Variants in ANKDD1B observed in about 807,000 individuals in gnomAD.
ANKDD1B encodes the protein ankyrin repeat and death domain-containing protein 1B.
A neutral mutation model predicts 59.7 loss-of-function variants in ANKDD1B; 57 were observed. The ratio of observed to expected loss-of-function variants is 0.95; its 90% confidence interval spans 0.77 to 1.19. ANKDD1B has a LOEUF of 1.19. Among genes scored for constraint, ANKDD1B ranks in the 50% most tolerant of loss-of-function variants. The probability of loss-of-function intolerance (pLI) is 0.00; values close to 1 mark genes in which losing one functional copy is unlikely to be tolerated. For synonymous variants in ANKDD1B, 216 were observed against 239.5 expected (o/e 0.90, Z 0.91); for missense variants, 602 against 641.9 (o/e 0.94, Z 0.67).
At chr5:75,653,546 T>G (rs1165747527) in intron 8 of ANKDD1B, among the ~76,000 whole-genome samples, 3 of 152,222 alleles carry the variant, frequency 2.0e-5, no homozygotes, top group Admixed American at 2.0e-4. Context: ...TGTATTAATT[T>G]TATTAGTCTG....
At chr5:75,635,410 G>C (rs1195717580) in intron 6 of ANKDD1B, 6 of 195,428 alleles carry the variant, frequency 3.1e-5, no homozygotes, top group Admixed American at 5.7e-5. Context: ...TGGGTCAAAG[G>C]CTTCTGCACA....
At position 75,616,908 on chromosome 5, in the gene ANKDD1B, G is replaced by T; in HGVS notation, c.297+1G>T. 7.0e-7 allele frequency: 1 copy of T among 1,418,790 alleles called. No individual in the cohort carries two copies. The highest frequency in any genetic ancestry group is 1.3e-5 in the South Asian group (1 of 79,734). 87.9% of individuals were successfully genotyped at this position (1,418,790 alleles called of 1,614,324 possible). On this transcript the variant is annotated splice_donor_variant, in intron 2 of 13. Transcript: ENST00000601380. LOFTEE classifies it high-confidence loss of function. Reference sequence around the variant, plus strand: ...GGTTAACATTAATGTTGTGAACAATGTGAGTAGAAGTCATAAATATGACAA... The same window carrying T: ...GGTTAACATTAATGTTGTGAACAATTTGAGTAGAAGTCATAAATATGACAA...
intron 2 of ANKDD1B, among the ~76,000 whole-genome samples, chr5:75,617,348 G>A (rs750833764): frequency 5.9e-5 from 9 of 152,180 alleles, no homozygotes; most frequent in Non-Finnish European, 8.8e-5. Context: ...CTAAAGAGGC[G>A]TGTGGATTTT....
At chr5:75,615,890 T>C (rs1342205013) in intron 1 of ANKDD1B, among the ~76,000 whole-genome samples, 1 of 152,102 alleles carries the variant, frequency 6.6e-6, no homozygotes, top group Non-Finnish European at 1.5e-5. Flanking sequence ...TAACAATATT[T>C]CCCAAGAAGA....
intron 8 of ANKDD1B, 98 bp downstream of exon 8, chr5:75,653,338 T>C (rs371399095): frequency 7.7e-6 from 6 of 776,716 alleles, no homozygotes; most frequent in African/African-American, 5.1e-5. Context: ...AGATGAGATG[T>C]TTCACAAGGG....
intron 3 of ANKDD1B, among the ~76,000 whole-genome samples, chr5:75,620,629 G>T (rs753816665): frequency 1.1e-4 from 16 of 152,082 alleles, no homozygotes; most frequent in Non-Finnish European, 2.2e-4. Flanking sequence ...CTGGGTTTTT[G>T]CTTATTTTCT....
At chr5:75,660,494 C>T (rs1775105880) in intron 10 of ANKDD1B, among the ~76,000 whole-genome samples, 1 of 152,212 alleles carries the variant, frequency 6.6e-6, no homozygotes, top group Admixed American at 6.5e-5. Flanking sequence ...ATTCATTCAT[C>T]CATCGATGGA....
At chr5:75,638,672 T>A (rs1239561269) in intron 7 of ANKDD1B, among the ~76,000 whole-genome samples, 1 of 152,154 alleles carries the variant, frequency 6.6e-6, no homozygotes, top group African/African-American at 2.4e-5. Context: ...TTATTAGAAA[T>A]AGGGTCTCAT....
At chr5:75,622,514 G>A (rs1773876849) in intron 3 of ANKDD1B, among the ~76,000 whole-genome samples, 1 of 152,134 alleles carries the variant, frequency 6.6e-6, no homozygotes, top group African/African-American at 2.4e-5. Flanking sequence ...CCTGGGAAGA[G>A]GCAGACTGGA....
intron 3 of ANKDD1B, among the ~76,000 whole-genome samples, chr5:75,621,942 C>A (rs1376932312): frequency 1.2e-4 from 19 of 152,158 alleles, no homozygotes; most frequent in Non-Finnish European, 1.3e-4. Context: ...CTTTTTCCTG[C>A]TTTGAAGGTT....
At chr5:75,654,691 A>T (rs1358305870) in intron 8 of ANKDD1B, among the ~76,000 whole-genome samples, 1 of 152,144 alleles carries the variant, frequency 6.6e-6, no homozygotes, top group African/African-American at 2.4e-5. Context: ...GAAAAAAATA[A>T]ATAAAAGAAA....
chr5:75,614,573 C>T (rs1251978432), intron 1 of ANKDD1B, among the ~76,000 whole-genome samples: 2 of 152,160 alleles, frequency 1.3e-5, no homozygotes, highest in African/African-American at 4.8e-5. Flanking sequence ...CTTGTAACCC[C>T]TTCATTTAAA....
chr5:75,659,026 AT>A (rs1297713022), intron 9 of ANKDD1B, among the ~76,000 whole-genome samples: 6 of 151,040 alleles, frequency 4.0e-5, no homozygotes, highest in African/African-American at 1.5e-4. Context: ...TATTGAAATC[AT>A]TTTTAAAAAA....
intron 3 of ANKDD1B, among the ~76,000 whole-genome samples, chr5:75,622,145 C>A (rs565780077): frequency 6.6e-6 from 1 of 152,132 alleles, no homozygotes; most frequent in African/African-American, 2.4e-5. Flanking sequence ...AACAGTTGAT[C>A]CCCTTCACCA....
rs1775362952 is a variant in ANKDD1B at position 75,668,163 on chromosome 5, G to A, written c.1394-1089G>A. Reference sequence around the variant, plus strand: ...AGAGTACTTGCCAGCAGGATAAGGGGGATTTTAAAGTGTTTCGATGGAACC... The same window carrying A: ...AGAGTACTTGCCAGCAGGATAAGGGAGATTTTAAAGTGTTTCGATGGAACC... On this transcript the variant is annotated intron_variant, in intron 12 of 13. Coordinates refer to ENST00000601380, the MANE Select transcript of ANKDD1B (RefSeq NM_001276713.2). 2.0e-5 allele frequency among the ~76,000 whole-genome samples: 3 copies of A among 152,236 alleles called. No homozygotes were observed. In the South Asian group the frequency reaches 6.2e-4, roughly 32 times the overall value.
intron 7 of ANKDD1B, among the ~76,000 whole-genome samples, chr5:75,648,332 C>A (rs1342451499): frequency 6.6e-6 from 1 of 150,400 alleles, no homozygotes; most frequent in Non-Finnish European, 1.5e-5. Context: ...ATGTGGAGAG[C>A]TGTGCCTCTA....
At chr5:75,615,739 T>A (rs551235051) in intron 1 of ANKDD1B, among the ~76,000 whole-genome samples, 1 of 151,970 alleles carries the variant, frequency 6.6e-6, no homozygotes, top group African/African-American at 2.4e-5. Flanking sequence ...CCAATCATTA[T>A]CAGATTGGAG....
chr5:75,669,488 CTGTG>C, intron 13 of ANKDD1B, 105 bp downstream of exon 13: 1 of 1,024,188 alleles, frequency 9.8e-7, no homozygotes, highest in Non-Finnish European at 1.3e-6. Context: ...GTGGTGTTAG[CTGTG>C]GCTCACACGG....
intron 10 of ANKDD1B, among the ~76,000 whole-genome samples, chr5:75,662,713 G>A (rs1013133988): frequency 8.6e-5 from 13 of 151,936 alleles, no homozygotes; most frequent in African/African-American, 1.5e-4. Context: ...TTTGTAATTC[G>A]TCTAAGTTAC....
Sources: gnomAD v4.1 joint callset for allele counts (sites outside exome capture counted in the v4.1 genomes callset) on GRCh38, gnomAD v4.1.1 for gene constraint, MANE v1.5 for transcripts, NCBI Gene and HGNC (gene_info 2026-07-23, HGNC 2026-07-21) for gene names.